MEGF11: variants seen among roughly 807,000 people sequenced by gnomAD.
MEGF11 encodes multiple EGF like domains 11, also known as multiple epidermal growth factor-like domains protein 11.
MEGF11 carries 126 observed loss-of-function variants against 146.6 expected under a neutral mutation model. The observed-to-expected ratio is 0.86, with a 90% CI of 0.74 to 1.00. The LOEUF (loss-of-function observed/expected upper bound fraction) is 1.00, where lower values mean the gene tolerates loss of function less well. MEGF11 is among the 50% of genes least tolerant of loss of function. MEGF11 has a pLI of 0.00. For synonymous variants in MEGF11, 532 were observed against 583.4 expected (o/e 0.91, Z 1.27); for missense variants, 1,509 against 1,521.2 (o/e 0.99, Z 0.13).
chr15:66,021,427 C>T (rs1415082499), intron 5 of MEGF11, among the ~76,000 whole-genome samples: 2 of 152,176 alleles, frequency 1.3e-5, no homozygotes, highest in Non-Finnish European at 2.9e-5. Context: ...AATCTCTTAA[C>T]CCTACAATCT....
At chr15:66,148,554 A>T (rs28408126) in intron 1 of MEGF11, among the ~76,000 whole-genome samples, 78,508 of 152,018 alleles carry the variant, frequency 0.52, 20,650 homozygotes, top group South Asian at 0.66. Flanking sequence ...TGGTCAAATG[A>T]CCTGACACTC....
At chr15:66,208,009 T>C (rs1009324330) in intron 1 of MEGF11, among the ~76,000 whole-genome samples, 4 of 151,070 alleles carry the variant, frequency 2.6e-5, no homozygotes, top group African/African-American at 7.3e-5. Context: ...TGCTTGAACC[T>C]GGGAGGTGGA....
At chr15:66,191,243 G>C (rs989040269) in intron 1 of MEGF11, among the ~76,000 whole-genome samples, 2 of 152,146 alleles carry the variant, frequency 1.3e-5, no homozygotes, top group African/African-American at 2.4e-5. Flanking sequence ...GTCTGAGCTC[G>C]GGCTGGAGGG....
intron 1 of MEGF11, among the ~76,000 whole-genome samples, chr15:66,195,552 G>A (rs1261409717): frequency 6.6e-6 from 1 of 152,242 alleles, no homozygotes; most frequent in Non-Finnish European, 1.5e-5. Flanking sequence ...GAGGAACCGA[G>A]AAGAAGGGAG....
chr15:66,197,568 A>T (rs2140076988), intron 1 of MEGF11, among the ~76,000 whole-genome samples: 1 of 152,234 alleles, frequency 6.6e-6, no homozygotes, highest in East Asian at 1.9e-4. Flanking sequence ...GACTACAGGC[A>T]CATGCCACCA....
At chr15:65,992,451 G>C (rs1596964146) in intron 5 of MEGF11, among the ~76,000 whole-genome samples, 1 of 17,902 alleles carries the variant, frequency 5.6e-5, no homozygotes, top group Non-Finnish European at 1.6e-4. Flanking sequence ...GTGTGTGTGT[G>C]GGGGGGGGGG....
At chr15:66,213,033 T>C (rs1180016702) in intron 1 of MEGF11, among the ~76,000 whole-genome samples, 1 of 151,938 alleles carries the variant, frequency 6.6e-6, no homozygotes, top group South Asian at 2.1e-4. Flanking sequence ...TATCGGGAAA[T>C]TGTGGACAAA....
chr15:66,168,489 C>T (rs905917544), intron 1 of MEGF11, among the ~76,000 whole-genome samples: 6 of 152,136 alleles, frequency 3.9e-5, no homozygotes, highest in African/African-American at 1.4e-4. Flanking sequence ...TTACTGAGCA[C>T]TTGATGTAAG....
intron 10 of MEGF11, among the ~76,000 whole-genome samples, chr15:65,946,589 C>T (rs2080202921): frequency 6.6e-6 from 1 of 152,168 alleles, no homozygotes; most frequent in Admixed American, 6.5e-5. Flanking sequence ...GATGGGGTTT[C>T]ACCATGTTGG....
At chr15:65,923,043 C>T in intron 13 of MEGF11, 74 bp from the exon 14 acceptor site, 1 of 1,519,590 alleles carries the variant, frequency 6.6e-7, no homozygotes, top group South Asian at 1.2e-5. Flanking sequence ...GGAAGGGGGA[C>T]AGTGCAGTAT....
chr15:66,135,640 T>C (rs758269957), intron 1 of MEGF11, among the ~76,000 whole-genome samples: 3 of 152,176 alleles, frequency 2.0e-5, no homozygotes, highest in Non-Finnish European at 4.4e-5. Context: ...AGATCCCCTG[T>C]GTGTTGAGTC....
chr15:66,200,314 C>T (rs892658564), intron 1 of MEGF11, among the ~76,000 whole-genome samples: 3 of 152,192 alleles, frequency 2.0e-5, no homozygotes, highest in Admixed American at 6.5e-5. Flanking sequence ...TACATTTACA[C>T]AAATAAAACA....
In MEGF11 at chr15:65,990,331, G is replaced by A. The variant is rs921531686; in HGVS notation, c.395-7843C>T. Among the ~76,000 whole-genome samples the A allele has an allele frequency of 3.9e-5, 6 of 152,286 alleles. No homozygotes were observed. In the South Asian group the frequency reaches 1.0e-3, roughly 26 times the overall value. On this transcript the variant is annotated intron_variant, in intron 5 of 25. Transcript: ENST00000395614. ...TTTGAAAGGCTGAGGCAGAAGGGTA[G>A]CTTGAGTCCAGGAGTTCAAGACCAG...
intron 10 of MEGF11, among the ~76,000 whole-genome samples, chr15:65,953,660 A>G (rs1018721469): frequency 2.2e-4 from 33 of 152,118 alleles, no homozygotes; most frequent in African/African-American, 8.0e-4. Flanking sequence ...CCTGCCCCCT[A>G]AGTCCTAGCA....
At chr15:66,133,648 C>A (rs117093231) in intron 1 of MEGF11, among the ~76,000 whole-genome samples, 1,921 of 152,122 alleles carry the variant, frequency 0.013, 15 homozygotes, top group South Asian at 0.024. Context: ...CTGATTAGTG[C>A]GAGATGAAAA....
At chr15:65,960,555 A>C (rs1442223676) in intron 9 of MEGF11, among the ~76,000 whole-genome samples, 1 of 152,216 alleles carries the variant, frequency 6.6e-6, no homozygotes. Context: ...TAGCGTAGAG[A>C]GACTGGCTCA....
At chr15:66,009,718 G>A (rs772004857) in intron 5 of MEGF11, among the ~76,000 whole-genome samples, 27 of 151,494 alleles carry the variant, frequency 1.8e-4, no homozygotes, top group Non-Finnish European at 3.4e-4. Flanking sequence ...TCAGCCTCCC[G>A]AGTAGCTGGG....
chr15:66,024,542 C>T (rs930018620), intron 5 of MEGF11, among the ~76,000 whole-genome samples: 1 of 152,244 alleles, frequency 6.6e-6, no homozygotes, highest in African/African-American at 2.4e-5. Flanking sequence ...GACTGTGTGT[C>T]AGGCACTGTG....
chr15:65,928,429 C>A lies in MEGF11; in HGVS notation c.1671G>T (p.Trp557Cys), dbSNP rs751327714. 7 of 1,588,548 alleles carry A rather than the reference C, an allele frequency of 4.4e-6. No individual in the cohort carries two copies. In the East Asian group the frequency reaches 1.6e-4, roughly 36 times the overall value. ...GGCACAGCAAGGGAAGGTTACCTGT[C>A]CATCCGGCCAGGCAGCAGCAGTGGC... ...VTGHCCCLAG[W>C]TGIRCDSTCP... The change falls in exon 13 of 26, where the codon TGG becomes TGT. Residue 557 changes from tryptophan (W) to cysteine (C), a missense_variant. Physicochemically the swap from Trp to Cys is radical, Grantham distance 215. Coordinates refer to ENST00000395614, the MANE Select transcript of MEGF11 (RefSeq NM_001385028.1).
Sources: gnomAD v4.1 joint callset for allele counts (sites outside exome capture counted in the v4.1 genomes callset) on GRCh38, gnomAD v4.1.1 for gene constraint, MANE v1.5 for transcripts, NCBI Gene and HGNC (gene_info 2026-07-23, HGNC 2026-07-21) for gene names.